GRIK4: variants seen among roughly 807,000 people sequenced by gnomAD.
GRIK4 encodes glutamate receptor ionotropic, kainate 4.
In GRIK4, 40 loss-of-function variants were observed where a neutral mutation model predicts 104.9. The observed-to-expected ratio is 0.38, with a 90% CI of 0.30 to 0.50. GRIK4 has a LOEUF of 0.50. Among genes scored for constraint, GRIK4 ranks in the 20% least tolerant of loss-of-function variants. The pLI is 0.93. For missense variants in GRIK4, 1,047 were observed against 1,308.1 expected (o/e 0.80, Z 3.08); for synonymous variants, 485 against 524.9 (o/e 0.92, Z 1.04).
intron 11 of GRIK4, among the ~76,000 whole-genome samples, chr11:120,884,135 A>G (rs1393386280): frequency 6.6e-6 from 1 of 152,228 alleles, no homozygotes; most frequent in Non-Finnish European, 1.5e-5. Context: ...CAGCTCTCCC[A>G]GTTTCTGTTC....
chr11:120,593,748 A>G (rs1948765906), intron 1 of GRIK4, among the ~76,000 whole-genome samples: 3 of 152,122 alleles, frequency 2.0e-5, no homozygotes, highest in African/African-American at 4.8e-5. Flanking sequence ...AATATCCTCC[A>G]TATATCCTAA....
chr11:120,975,632 G>A (rs780876131), intron 19 of GRIK4, among the ~76,000 whole-genome samples: 2 of 152,130 alleles, frequency 1.3e-5, no homozygotes, highest in Admixed American at 6.5e-5. Flanking sequence ...GGACAGAAGG[G>A]GATTTTATAA....
chr11:120,762,562 T>C (rs1408647100), intron 3 of GRIK4, among the ~76,000 whole-genome samples: 1 of 151,944 alleles, frequency 6.6e-6, no homozygotes, highest in African/African-American at 2.4e-5. Context: ...CATTCAGATA[T>C]TGGCTGTGGG....
chr11:120,980,350 A>T (rs554771414), intron 19 of GRIK4, among the ~76,000 whole-genome samples: 14 of 152,312 alleles, frequency 9.2e-5, no homozygotes, highest in Non-Finnish European at 1.9e-4. Context: ...ACAGATACAC[A>T]TCCTAATACT....
chr11:120,806,109 C>T (rs1952706540), intron 4 of GRIK4, among the ~76,000 whole-genome samples: 1 of 152,202 alleles, frequency 6.6e-6, no homozygotes, highest in South Asian at 2.1e-4. Context: ...CTCGGCACTG[C>T]ACATAGCAGG....
At chr11:120,975,538 G>T (rs1442436430) in intron 19 of GRIK4, among the ~76,000 whole-genome samples, 2 of 152,180 alleles carry the variant, frequency 1.3e-5, no homozygotes, top group African/African-American at 2.4e-5. Flanking sequence ...CAATTGTTAA[G>T]ACTTCAGCTC....
intron 8 of GRIK4, among the ~76,000 whole-genome samples, chr11:120,860,948 C>T (rs1954246888): frequency 6.6e-6 from 1 of 152,084 alleles, no homozygotes; most frequent in African/African-American, 2.4e-5. Flanking sequence ...CTCACCATCC[C>T]TCTCCCAGGC....
chr11:120,551,127 G>A (rs1194124608), intron 1 of GRIK4, among the ~76,000 whole-genome samples: 1 of 152,132 alleles, frequency 6.6e-6, no homozygotes, highest in Admixed American at 6.5e-5. Flanking sequence ...CAACATACAT[G>A]GAGGGAGGGC....
At chr11:120,516,552 C>T (rs768208209) in intron 1 of GRIK4, among the ~76,000 whole-genome samples, 1 of 151,882 alleles carries the variant, frequency 6.6e-6, no homozygotes, top group Non-Finnish European at 1.5e-5. Flanking sequence ...ACAGAGAAGG[C>T]TCAGGTCAGT....
intron 3 of GRIK4, among the ~76,000 whole-genome samples, chr11:120,729,875 TGTA>T (rs1951099139): frequency 1.3e-5 from 2 of 152,208 alleles, no homozygotes; most frequent in African/African-American, 4.8e-5. Flanking sequence ...AGTGTTTTCT[TGTA>T]GTAGTTTCAT....
chr11:120,801,648 C>T (rs1952623834), intron 3 of GRIK4, among the ~76,000 whole-genome samples: 1 of 152,214 alleles, frequency 6.6e-6, no homozygotes, highest in African/African-American at 2.4e-5. Context: ...ATCAATCAAT[C>T]TATGGACATT....
At chr11:120,522,288 G>A (rs1342763126) in intron 1 of GRIK4, among the ~76,000 whole-genome samples, 1 of 152,194 alleles carries the variant, frequency 6.6e-6, no homozygotes, top group Non-Finnish European at 1.5e-5. Flanking sequence ...TTTTACCTTA[G>A]ACTGAGCCAA....
intron 3 of GRIK4, among the ~76,000 whole-genome samples, chr11:120,682,961 G>T (rs190764343): frequency 6.6e-6 from 1 of 151,954 alleles, no homozygotes. Flanking sequence ...GTTAAGTGTC[G>T]TGTTCTCTGT....
At position 120,962,540 on chromosome 11, in the gene GRIK4, G is replaced by A; in HGVS notation, c.2125G>A (p.Gly709Arg). The change falls in exon 18 of 21, where the codon GGA becomes AGA. Residue 709 changes from glycine to arginine, a missense_variant. Physicochemically the swap from Gly to Arg is moderately radical, Grantham distance 125 (BLOSUM62 -2). Transcript: ENST00000527524. ...PSVFVKSTEEGIARVLNSNYA... is the reference protein window; with the variant it reads ...PSVFVKSTEERIARVLNSNYA... ...CGTGTTCGTGAAGAGCACAGAGGAG[G>A]GAATCGCCAGGGTGTTGAATTCCAA... The A allele has an allele frequency of 6.2e-7, 1 of 1,614,022 alleles. No homozygotes were observed. Among genetic ancestry groups the A allele is most frequent in the East Asian group, 2.2e-5 (1 of 44,890 alleles).
At chr11:120,604,251 G>C (rs1429591017) in intron 1 of GRIK4, among the ~76,000 whole-genome samples, 1 of 151,680 alleles carries the variant, frequency 6.6e-6, no homozygotes, top group East Asian at 1.9e-4. Flanking sequence ...AGTGCACAGG[G>C]CAGCCCTGCC....
chr11:120,535,883 ACTGTAC>A (rs1468552980), intron 1 of GRIK4, among the ~76,000 whole-genome samples: 2 of 152,228 alleles, frequency 1.3e-5, no homozygotes, highest in African/African-American at 2.4e-5. Flanking sequence ...AGTAGGCATC[ACTGTAC>A]CTTTTCCAGG....
chr11:120,897,144 A>AT (rs1214655191), intron 11 of GRIK4, among the ~76,000 whole-genome samples: 2 of 151,850 alleles, frequency 1.3e-5, no homozygotes, highest in African/African-American at 4.8e-5. Flanking sequence ...ATAAGACCCC[A>AT]TGTCTTATTA....
intron 14 of GRIK4, among the ~76,000 whole-genome samples, chr11:120,947,397 G>T (rs1943887761): frequency 8.7e-6 from 1 of 115,148 alleles, no homozygotes; most frequent in Non-Finnish European, 1.9e-5. Context: ...GTGAGACTCT[G>T]TCTCAAAAAA....
chr11:120,604,138 C>G (rs1246798644), intron 1 of GRIK4, among the ~76,000 whole-genome samples: 1 of 139,290 alleles, frequency 7.2e-6, no homozygotes, highest in Non-Finnish European at 1.5e-5. Flanking sequence ...CGCCACTGCA[C>G]TCCAGCCTGG....
Sources: gnomAD v4.1 joint callset for allele counts (sites outside exome capture counted in the v4.1 genomes callset) on GRCh38, gnomAD v4.1.1 for gene constraint, MANE v1.5 for transcripts, NCBI Gene and HGNC (gene_info 2026-07-23, HGNC 2026-07-21) for gene names.